PCDH15: variants seen among roughly 807,000 people sequenced by gnomAD.
PCDH15 encodes protocadherin-15.
In PCDH15, 129 loss-of-function variants were observed where a neutral mutation model predicts 178.5. That is an observed-to-expected ratio of 0.72 (90% CI 0.63 to 0.84). The LOEUF (loss-of-function observed/expected upper bound fraction) is 0.84. Among genes scored for constraint, PCDH15 ranks in the 40% least tolerant of loss-of-function variants. The pLI is 0.00. For synonymous variants in PCDH15, 800 were observed against 732.0 expected, an observed-to-expected ratio of 1.09 and a Z score of -1.50; for missense variants, 2,230 against 2,099.9, an observed-to-expected ratio of 1.06 and a Z score of -1.21.
intron 27 of PCDH15, among the ~76,000 whole-genome samples, chr10:53,862,666 A>C (rs1337577494): frequency 6.6e-6 from 1 of 152,070 alleles, no homozygotes; most frequent in African/African-American, 2.4e-5. Flanking sequence ...ATTTTGTGTA[A>C]ATGCCTACCA....
At chr10:54,881,868 T>C (rs190702232) in intron 3 of PCDH15, among the ~76,000 whole-genome samples, 5 of 152,200 alleles carry the variant, frequency 3.3e-5, no homozygotes, top group Admixed American at 2.6e-4. Flanking sequence ...TTCTCAAAAG[T>C]GTTTTGAAGT....
intron 1 of PCDH15, among the ~76,000 whole-genome samples, chr10:55,191,424 C>A (rs1839942212): frequency 6.6e-6 from 1 of 151,602 alleles, no homozygotes; most frequent in Admixed American, 6.6e-5. Context: ...TTGTTTTTAT[C>A]TTTTCTAGCA....
chr10:54,535,058 G>C (rs1343009189), intron 2 of PCDH15, among the ~76,000 whole-genome samples: 1 of 152,112 alleles, frequency 6.6e-6, no homozygotes, highest in Non-Finnish European at 1.5e-5. Context: ...TCCAATTCAA[G>C]AACAGGATAT....
intron 11 of PCDH15, among the ~76,000 whole-genome samples, chr10:54,193,476 G>T (rs572780742): frequency 2.6e-5 from 4 of 152,294 alleles, no homozygotes; most frequent in African/African-American, 9.6e-5. Flanking sequence ...TAAAATATGA[G>T]TATGTATTCA....
At chr10:55,324,024 C>T (rs1843970442), upstream of PCDH15, among the ~76,000 whole-genome samples, 1 of 152,046 alleles carries the variant, frequency 6.6e-6, no homozygotes, top group South Asian at 2.1e-4. Context: ...CTCACAAGAT[C>T]TGAAGCTTTT....
intron 26 of PCDH15, among the ~76,000 whole-genome samples, chr10:53,887,240 C>T (rs2081166166): frequency 6.6e-6 from 1 of 152,134 alleles, no homozygotes; most frequent in Admixed American, 6.5e-5. Context: ...TGCATTCTTG[C>T]TATAAATGAC....
intron 2 of PCDH15, among the ~76,000 whole-genome samples, chr10:55,075,760 T>C (rs1294885278): frequency 6.6e-6 from 1 of 152,112 alleles, no homozygotes; most frequent in African/African-American, 2.4e-5. Flanking sequence ...ATCTTTATTG[T>C]ATCTTTTCTT....
chr10:55,045,862 C>T (rs920870993), intron 2 of PCDH15, among the ~76,000 whole-genome samples: 1 of 151,904 alleles, frequency 6.6e-6, no homozygotes, highest in Non-Finnish European at 1.5e-5. Context: ...TGACTCTCAC[C>T]ACAAAATTAA....
At chr10:54,446,019 C>T (rs1260424569) in intron 3 of PCDH15, among the ~76,000 whole-genome samples, 5 of 151,204 alleles carry the variant, frequency 3.3e-5, no homozygotes, top group Admixed American at 2.6e-4. Context: ...TTTTTAAGTT[C>T]TTGTCCCCTT....
At chr10:54,882,243 A>G (rs1237238907) in intron 3 of PCDH15, among the ~76,000 whole-genome samples, 1 of 152,074 alleles carries the variant, frequency 6.6e-6, no homozygotes, top group Non-Finnish European at 1.5e-5. Flanking sequence ...TACAGTAAGC[A>G]ATTGTTTTCA....
chr10:54,594,329 T>C (rs554332274), intron 2 of PCDH15, among the ~76,000 whole-genome samples: 1 of 152,056 alleles, frequency 6.6e-6, no homozygotes, highest in East Asian at 1.9e-4. Flanking sequence ...GCTCCTATAG[T>C]AGACATTAGC....
rs538563071 is a variant in PCDH15 at position 53,982,598 on chromosome 10, C to T, written c.2868+13051G>A. 5.9e-3 allele frequency among the ~76,000 whole-genome samples: 850 copies of T among 143,386 alleles called. 5 individuals carry two copies. Among genetic ancestry groups the T allele is most frequent in the African/African-American group, 0.021 (802 of 38,446 alleles). 94.1% of individuals were successfully genotyped at this position (143,386 alleles called of 152,430 possible). A position where few individuals can be genotyped will look rare whatever the true frequency, so the allele number is the denominator to read the frequency against. ...AAAAACCAAACACCGCATGTTCTCACTCATAGGTGGGAATTGAACAATGAG... is the reference window on the plus strand; with the variant it reads ...AAAAACCAAACACCGCATGTTCTCATTCATAGGTGGGAATTGAACAATGAG... On this transcript the variant is annotated intron_variant, in intron 21 of 37. Coordinates refer to ENST00000644397, the MANE Select transcript of PCDH15 (RefSeq NM_001384140.1).
At chr10:55,023,258 A>C (rs186367160) in intron 2 of PCDH15, among the ~76,000 whole-genome samples, 4 of 152,284 alleles carry the variant, frequency 2.6e-5, no homozygotes, top group Admixed American at 1.3e-4. Context: ...TTACAGTGAC[A>C]GTTGATTTCC....
At chr10:54,377,199 A>C (rs1045538367) in intron 4 of PCDH15, among the ~76,000 whole-genome samples, 3 of 152,124 alleles carry the variant, frequency 2.0e-5, no homozygotes, top group Non-Finnish European at 4.4e-5. Context: ...TAAACATTAA[A>C]TGTTATTTTC....
chr10:55,417,556 A>G (rs1838514141), intron 2 of PCDH15, among the ~76,000 whole-genome samples: 1 of 151,798 alleles, frequency 6.6e-6, no homozygotes, highest in Admixed American at 6.6e-5. Flanking sequence ...CTTTTATTTT[A>G]GCAGCCATAG....
chr10:55,341,785 ATATATATATATATATATATATT>A (rs1230091687), intron 2 of PCDH15, among the ~76,000 whole-genome samples: 2 of 21,452 alleles, frequency 9.3e-5, no homozygotes, highest in East Asian at 1.0e-3. Flanking sequence ...ATATATATAT[ATATATATATATATATATATATT>A]TTTTTTTTTT....
chr10:55,171,187 T>C (rs1243986598), intron 1 of PCDH15, among the ~76,000 whole-genome samples: 1 of 152,224 alleles, frequency 6.6e-6, no homozygotes, highest in Non-Finnish European at 1.5e-5. Flanking sequence ...ACCCTCCAGC[T>C]TTTTCCTTCA....
chr10:55,488,463 C>G (rs1268498593), intron 2 of PCDH15, among the ~76,000 whole-genome samples: 3 of 151,490 alleles, frequency 2.0e-5, no homozygotes, highest in Admixed American at 1.3e-4. Flanking sequence ...GGCAGAGGAA[C>G]TGAACTGGAG....
chr10:54,228,322 C>T (rs1234168022), intron 9 of PCDH15, among the ~76,000 whole-genome samples: 1 of 152,118 alleles, frequency 6.6e-6, no homozygotes, highest in Non-Finnish European at 1.5e-5. Context: ...AGAGAGAACA[C>T]TTGTGCAGGG....
Sources: allele counts gnomAD v4.1 joint callset (sites outside exome capture counted in the v4.1 genomes callset), GRCh38; gene constraint gnomAD v4.1.1; transcripts MANE v1.5; gene names NCBI Gene and HGNC (gene_info 2026-07-23, HGNC 2026-07-21).